The following MKS1 variants were observed in gnomAD, a reference collection of about 807,000 sequenced individuals.
MKS1 encodes the protein tectonic-like complex member MKS1.
Under a neutral mutation model 83.7 loss-of-function variants are expected in MKS1, and 70 were observed. That is an observed-to-expected ratio of 0.84 (90% CI 0.69 to 1.02). The LOEUF (loss-of-function observed/expected upper bound fraction) is 1.02. MKS1 is among the 50% of genes least tolerant of loss of function. The pLI is 0.00. For missense variants in MKS1, 681 were observed against 726.9 expected, an observed-to-expected ratio of 0.94 and a Z score of 0.73; for synonymous variants, 251 against 273.4, an observed-to-expected ratio of 0.92 and a Z score of 0.81.
rs1463305225 is a variant in MKS1, at chr17:58,214,822, G to T, written c.434C>A (p.Thr145Asn). The change falls in exon 5 of 18, where the codon ACC (threonine) becomes AAC (asparagine). Residue 145 changes from threonine to asparagine, a missense_variant. Thr to Asn is a moderately conservative substitution (Grantham distance 65). This residue lies in a region of MKS1 where 365 missense variants were observed against 383.8 expected (regional missense o/e 0.95). Transcript: ENST00000393119. Reference sequence around the variant, plus strand: ...TGAAGGCACCTCGCTGGCTGCAGTGGTCATTCTCTGACAGTGCTGGGAAAA... The same window carrying T: ...TGAAGGCACCTCGCTGGCTGCAGTGTTCATTCTCTGACAGTGCTGGGAAAA... ...TNLEEHCQRM[T>N]TAASEVPSFL... 6.2e-7 allele frequency: 1 copy of T among 1,603,614 alleles called. No individual in the cohort carries two copies. Among genetic ancestry groups the T allele is most frequent in the Non-Finnish European group, 8.5e-7 (1 of 1,179,332 alleles).
At position 58,208,143 on chromosome 17, in the gene MKS1, G is replaced by T; in HGVS notation, c.1127C>A (p.Thr376Lys). Residue 376 changes from threonine (T) to lysine (K), a missense_variant, in exon 13 of 18, where the codon ACG (threonine) becomes AAG (lysine). Around this residue, in one of 3 missense-constraint regions of MKS1, gnomAD observed 310 missense variants for 321.7 expected, o/e 0.96. Transcript: ENST00000393119. ...DKVAHFSYPF[T>K]FEAFFLHEDE... ...CTCATGGAGGAAGAAGGCTTCAAAC[G>T]TGAATGGGTAGGAGAAGTGAGCCAC... 1 of 1,613,848 alleles carries T rather than the reference G, an allele frequency of 6.2e-7. No individual in the cohort carries two copies. Among genetic ancestry groups the T allele is most frequent in the Non-Finnish European group, 8.5e-7 (1 of 1,179,734 alleles).
chr17:58,206,206 A>G, intron 17 of MKS1, 36 bp from the exon 18 acceptor site: 1 of 1,613,814 alleles, frequency 6.2e-7, no homozygotes, highest in Non-Finnish European at 8.5e-7. Flanking sequence ...TGGCTGCCAT[A>G]TGGTATTTCT....
At chr17:58,211,571 C>CT (rs200217671) in intron 9 of MKS1, among the ~76,000 whole-genome samples, 12 of 151,152 alleles carry the variant, frequency 7.9e-5, no homozygotes, top group African/African-American at 2.4e-4. Flanking sequence ...AAACCACTTT[C>CT]TTTTTTTTTC....
Position 58,219,149 on chromosome 17 carries a change from A to G in MKS1, c.80+2T>C, listed in dbSNP as rs386834052. 1 of 1,551,140 alleles carries G rather than the reference A, an allele frequency of 6.4e-7. No individual in the cohort carries two copies. The highest frequency in any genetic ancestry group is 8.7e-7 in the Non-Finnish European group (1 of 1,146,988). On this transcript the variant is annotated splice_donor_variant, in intron 1 of 17. Transcript: ENST00000393119. LOFTEE classifies it high-confidence loss of function. The stretch of plus-strand genomic sequence containing the variant: ...GCCTCGGGGCTGGGGCGGTGCGACT[A>G]CCGGAGGCGCAAGTTGCGCACGGGG...
chr17:58,212,424 C>T lies in MKS1; in HGVS notation c.869G>A (p.Arg290Gln), dbSNP rs755840522. The T allele has an allele frequency of 2.0e-5, 32 of 1,614,020 alleles. No individual in the cohort carries two copies. The East Asian group carries it at 3.3e-4, about 17-fold the overall frequency. The part of the protein sequence containing the change: ...ERRVFKDLYG[R>Q]HKEYLSSLVG... ...GAGGCTGCTGAGATACTCCTTGTGC[C>T]GGCCATAAAGCTGAGGAAACAAACC... is the stretch of plus-strand genomic sequence containing the variant. Residue 290 changes from arginine to glutamine, a missense_variant, in exon 9 of 18, where the codon CGG (arginine) becomes CAG (glutamine). Arg to Gln is a conservative substitution (Grantham distance 43). Transcript: ENST00000393119.
chr17:58,218,478 AAAGCC>A, intron 2 of MKS1, 137 bp downstream of exon 2: 10 of 412,792 alleles, frequency 2.4e-5, no homozygotes, highest in Admixed American at 1.2e-4. Context: ...AAAAAAAAAA[AAAGCC>A]ACAAATAGAA....
rs1473936553 is a variant in MKS1, at chr17:58,206,505, C to T, written c.1450G>A (p.Gly484Ser). The part of the protein sequence containing the change: ...SRFGLRTETT[G>S]TVTFRLHCLQ... ...CAGTGCAAGCGGAAGGTGACAGTGC[C>T]TGTGGTCTCTGTGCGGAGTCCAAAG... The change falls in exon 16 of 18, where the codon GGC becomes AGC. Residue 484 changes from glycine to serine, a missense_variant. Transcript: ENST00000393119. 2 of 1,613,994 alleles carry T rather than the reference C, an allele frequency of 1.2e-6. No homozygotes were observed. The highest frequency in any genetic ancestry group is 1.1e-5 in the South Asian group (1 of 91,080).
Position 58,208,536 on chromosome 17 carries a change from A to C in MKS1, c.1072T>G (p.Cys358Gly). ...FQQLSGVTQT[C>G]TTKSLAMDKV... ...ACCATTGCCAGGGACTTGGTGGTGC[A>C]GGTCTGTGTTACTCCTGAGAGCTGC... Residue 358 changes from cysteine to glycine, a missense_variant, in exon 12 of 18, where the codon TGC becomes GGC. By Grantham distance (159) the Cys-to-Gly change is radical. Coordinates refer to ENST00000393119, the MANE Select transcript of MKS1 (RefSeq NM_017777.4). 1.2e-6 allele frequency: 2 copies of C among 1,614,176 alleles called. No individual in the cohort carries two copies. The highest frequency in any genetic ancestry group is 1.7e-6 in the Non-Finnish European group (2 of 1,180,010).
At chr17:58,208,037 G>A (rs758159899) in intron 13 of MKS1, 36 bp from the exon 14 acceptor site, 8 of 1,609,346 alleles carry the variant, frequency 5.0e-6, no homozygotes, top group South Asian at 2.2e-5. Flanking sequence ...GGTCACAGGC[G>A]GCCTTCACCA....
chr17:58,207,417 C>A, intron 14 of MKS1, 199 bp from the exon 15 acceptor site: 1 of 672,460 alleles, frequency 1.5e-6, no homozygotes, highest in South Asian at 1.9e-5. Flanking sequence ...TTCCGCTCTG[C>A]CAGTTATTAC....
intron 1 of MKS1, 93 bp from the exon 2 acceptor site, chr17:58,218,822 G>T: frequency 8.5e-7 from 1 of 1,178,852 alleles, no homozygotes; most frequent in South Asian, 1.3e-5. Context: ...GAGGAGGTAG[G>T]GTTGCCAAGG....
chr17:58,207,163 A>G lies in MKS1; in HGVS notation c.1329T>C (p.Ala443=). Reference sequence around the variant, plus strand: ...CGCCAATGAAAAACCTCCTCAGCTCAGCCACCGTGCCAAGCTCCACAGGTC... The same window carrying G: ...CGCCAATGAAAAACCTCCTCAGCTCGGCCACCGTGCCAAGCTCCACAGGTC... The part of the protein sequence containing the change: ...TWRPVELGTV[A]ELRRFFIGGS... Residue 443 remains alanine (A), a synonymous_variant, in exon 15 of 18, where the codon GCT becomes GCC. Coordinates refer to ENST00000393119, the MANE Select transcript of MKS1 (RefSeq NM_017777.4). 1 of 1,613,700 alleles carries G rather than the reference A, an allele frequency of 6.2e-7. No individual in the cohort carries two copies. The highest frequency in any genetic ancestry group is 8.5e-7 in the Non-Finnish European group (1 of 1,179,604).
Position 58,206,481 on chromosome 17 carries a change from A to G in MKS1, c.1474T>C (p.Cys492Arg). 1 of 1,614,134 alleles carries G rather than the reference A, an allele frequency of 6.2e-7. No individual in the cohort carries two copies. Among genetic ancestry groups the G allele is most frequent in the East Asian group, 2.2e-5 (1 of 44,866 alleles). ...GTCACTCACCTGGACTGCTGCAGAC[A>G]GTGCAAGCGGAAGGTGACAGTGCCT... ...TTGTVTFRLH[C>R]LQQSRAFMES... The change falls in exon 16 of 18, where the codon TGT becomes CGT. Residue 492 changes from cysteine (C) to arginine (R), a missense_variant. Transcript: ENST00000393119.
chr17:58,216,032 CA>C (rs1285357905), intron 4 of MKS1, 55 bp downstream of exon 4: 2 of 1,599,452 alleles, frequency 1.3e-6, no homozygotes, highest in East Asian at 2.2e-5. Flanking sequence ...CTCAGTGAGG[CA>C]AAAAAGCTAG....
intron 11 of MKS1, among the ~76,000 whole-genome samples, chr17:58,210,176 G>C (rs765672251): frequency 6.6e-6 from 1 of 152,184 alleles, no homozygotes; most frequent in African/African-American, 2.4e-5. Flanking sequence ...GACAAAAGAG[G>C]TAACTGGATA....
chr17:58,207,411 G>A (rs754222632), intron 14 of MKS1, 193 bp from the exon 15 acceptor site: 11 of 698,744 alleles, frequency 1.6e-5, no homozygotes, highest in Middle Eastern at 4.1e-4. Context: ...TCAAATTTCC[G>A]CTCTGCCAGT....
At chr17:58,207,026 C>T (rs1968554853) in intron 15 of MKS1, 59 bp downstream of exon 15, 10 of 1,612,322 alleles carry the variant, frequency 6.2e-6, no homozygotes, top group Admixed American at 1.7e-5. Flanking sequence ...ATCCCACCTC[C>T]TACAGAAGGA....
At position 58,214,835 on chromosome 17, in the gene MKS1, A is replaced by C. The variant is rs200332126; in HGVS notation, c.421T>G (p.Cys141Gly). Reference protein sequence around the residue: ...SDRYTNLEEHCQRMTTAASEV... With the variant: ...SDRYTNLEEHGQRMTTAASEV... ...CTGGCTGCAGTGGTCATTCTCTGAC[A>C]GTGCTGGGAAAAGCAAGCAGCCCTG... The change falls in exon 5 of 18, where the codon TGT becomes GGT. Residue 141 changes from cysteine (C) to glycine (G), a missense_variant. Coordinates refer to ENST00000393119, the MANE Select transcript of MKS1 (RefSeq NM_017777.4). The C allele has an allele frequency of 1.2e-6, 2 of 1,601,510 alleles. No individual in the cohort carries two copies. The highest frequency in any genetic ancestry group is 2.7e-5 in the African/African-American group (2 of 74,946).
At chr17:58,214,213 G>C (rs899521164) in intron 6 of MKS1, 46 bp downstream of exon 6, 4 of 1,613,482 alleles carry the variant, frequency 2.5e-6, no homozygotes, top group Admixed American at 1.7e-5. Flanking sequence ...CTGGTGAGAG[G>C]AGAAAAGGAT....
Sources: allele counts gnomAD v4.1 joint callset (sites outside exome capture counted in the v4.1 genomes callset), GRCh38; gene constraint gnomAD v4.1.1; regional missense constraint gnomAD v4.1.1; transcripts MANE v1.5; gene names NCBI Gene and HGNC (gene_info 2026-07-23, HGNC 2026-07-21).